Variants in MID1 observed in about 807,000 individuals in gnomAD.
MID1 encodes the protein E3 ubiquitin-protein ligase Midline-1.
In MID1, 7 loss-of-function variants were observed where a neutral mutation model predicts 40.4. The observed-to-expected ratio is 0.17, with a 90% confidence interval of 0.10 to 0.33. The LOEUF (loss-of-function observed/expected upper bound fraction) is 0.33. Among genes scored for constraint, MID1 ranks in the 10% least tolerant of loss-of-function variants. The pLI, the probability that MID1 is intolerant of heterozygous loss-of-function variation, is 1.00. For synonymous variants in MID1, 229 were observed against 221.2 expected (o/e 1.04, Z -0.31); for missense variants, 367 against 558.5 (o/e 0.66, Z 3.46).
At chrX:10,586,460 C>T (rs995805073) in intron 1 of MID1, among the ~76,000 whole-genome samples, 1 of 111,370 alleles carries the variant, frequency 9.0e-6, no homozygotes, top group Non-Finnish European at 1.9e-5. Context: ...AGGTTGGGCC[C>T]ACTAGAATAA....
At chrX:10,702,727 A>G (rs1453657869) in intron 1 of MID1, among the ~76,000 whole-genome samples, 8 of 112,279 alleles carry the variant, frequency 7.1e-5, no homozygotes, top group African/African-American at 2.3e-4. Context: ...AATAATTAAC[A>G]TTATGGACTA....
intron 1 of MID1, among the ~76,000 whole-genome samples, chrX:10,693,187 T>G (rs1207400097): frequency 9.2e-6 from 1 of 108,120 alleles, no homozygotes; most frequent in Non-Finnish European, 1.9e-5. Context: ...ATTTAAGGTG[T>G]TTTAACTTTT....
intron 8 of MID1, among the ~76,000 whole-genome samples, chrX:10,458,059 G>C (rs930722398): frequency 4.4e-5 from 5 of 112,561 alleles, no homozygotes; most frequent in Non-Finnish European, 7.5e-5. Context: ...CTTTTTGAGA[G>C]AGAAGCACAC....
At chrX:10,799,895 A>T (rs147792230) in intron 1 of MID1, among the ~76,000 whole-genome samples, 1,733 of 111,808 alleles carry the variant, frequency 0.015, 42 homozygotes, top group African/African-American at 0.053. Flanking sequence ...GTAGCCAAGC[A>T]GGGATTTAAA....
rs748934970 is a variant in MID1 at position 10,776,959 on chromosome X, T to C, written c.-187+56595A>G. On this transcript the variant is annotated intron_variant, in intron 1 of 10. Transcript: ENST00000380785. ...ATCTGCCATGTACTGTACTCCTCTG[T>C]GCTGGGAATGCATAGATGGAAAGGT... Among the ~76,000 whole-genome samples, 3 of 111,820 alleles carry C rather than the reference T, an allele frequency of 2.7e-5. No homozygotes were observed. The East Asian group carries it at 8.4e-4, about 31-fold the overall frequency.
intron 1 of MID1, among the ~76,000 whole-genome samples, chrX:10,819,501 C>G (rs1005198132): frequency 1.8e-5 from 2 of 110,804 alleles, no homozygotes; most frequent in Non-Finnish European, 3.8e-5. Flanking sequence ...CTCACCTCCC[C>G]CTAATTGTTT....
chrX:10,543,390 G>T (rs747769746), intron 2 of MID1, among the ~76,000 whole-genome samples: 1 of 112,177 alleles, frequency 8.9e-6, no homozygotes, highest in Non-Finnish European at 1.9e-5. Context: ...GAGAATAGCA[G>T]CAGTTTAGTA....
At chrX:10,576,439 G>A (rs1419599112) in intron 1 of MID1, among the ~76,000 whole-genome samples, 1 of 111,692 alleles carries the variant, frequency 9.0e-6, no homozygotes, top group East Asian at 2.8e-4. Context: ...AAATTAAGGG[G>A]AAATGGAAGC....
chrX:10,684,019 C>T (rs1189370343), intron 1 of MID1, among the ~76,000 whole-genome samples: 1 of 109,638 alleles, frequency 9.1e-6, no homozygotes, highest in Non-Finnish European at 1.9e-5. Context: ...ATCCACTTGC[C>T]TCGGCCTCCC....
intron 1 of MID1, among the ~76,000 whole-genome samples, chrX:10,634,936 A>G (rs1936093339): frequency 8.9e-6 from 1 of 112,727 alleles, no homozygotes; most frequent in Non-Finnish European, 1.9e-5. Flanking sequence ...CAGGTTGCTA[A>G]TGCATCCCGC....
chrX:10,592,843 T>C (rs1215417688), intron 1 of MID1, among the ~76,000 whole-genome samples: 3 of 112,022 alleles, frequency 2.7e-5, no homozygotes, highest in Non-Finnish European at 5.6e-5. Context: ...AATTGAAACA[T>C]TTCTACAATG....
chrX:10,651,319 G>C (rs375618751), intron 1 of MID1, among the ~76,000 whole-genome samples: 4 of 111,721 alleles, frequency 3.6e-5, no homozygotes, highest in Admixed American at 9.5e-5. Context: ...AGATAGCAAG[G>C]GGTTAAAATA....
At chrX:10,805,273 A>T in intron 1 of MID1, among the ~76,000 whole-genome samples, 1 of 80,762 alleles carries the variant, frequency 1.2e-5, no homozygotes, top group Middle Eastern at 9.0e-3. Flanking sequence ...TCCTGTGTCC[A>T]TGTGTTCTCA....
chrX:10,822,366 A>C (rs2044181343), intron 1 of MID1, among the ~76,000 whole-genome samples: 1 of 112,245 alleles, frequency 8.9e-6, no homozygotes, highest in African/African-American at 3.2e-5. Context: ...ACTTAAATGT[A>C]AATCCCAAAA....
At position 10,728,415 on chromosome X, in the gene MID1, G is replaced by A. The variant is rs975810098; in HGVS notation, c.-187+105139C>T. Among the ~76,000 whole-genome samples the A allele has an allele frequency of 1.4e-4, 16 of 111,936 alleles. No homozygotes were observed. In the East Asian group the frequency reaches 2.5e-3, roughly 18 times the overall value. On this transcript the variant is annotated intron_variant, in intron 1 of 10. Transcript: ENST00000380785. ...ATAAACGTTTATTGTTAAATAATAC[G>A]AAATCAAATGTGTGCTCCTTTTCCC...
chrX:10,522,756 A>T (rs1863416766), intron 3 of MID1, among the ~76,000 whole-genome samples: 1 of 111,665 alleles, frequency 9.0e-6, no homozygotes, highest in Non-Finnish European at 1.9e-5. Flanking sequence ...TCGGCCTCCC[A>T]AAGTGCTGGG....
At chrX:10,473,700 G>A (rs1929842401) in intron 6 of MID1, among the ~76,000 whole-genome samples, 1 of 112,560 alleles carries the variant, frequency 8.9e-6, no homozygotes. Flanking sequence ...TATGTCTTAA[G>A]TGCAGCGCAC....
At chrX:10,632,974 C>T (rs1936068842) in intron 1 of MID1, among the ~76,000 whole-genome samples, 1 of 111,569 alleles carries the variant, frequency 9.0e-6, no homozygotes, top group Non-Finnish European at 1.9e-5. Flanking sequence ...AGGTTGTATG[C>T]CCAAGAAGCT....
intron 1 of MID1, among the ~76,000 whole-genome samples, chrX:10,829,978 C>T (rs1569180775): frequency 8.9e-6 from 1 of 112,368 alleles, no homozygotes; most frequent in East Asian, 2.8e-4. Context: ...CCCAGGAATA[C>T]TTGACAACCC....
Sources: gnomAD v4.1 joint callset for allele counts (sites outside exome capture counted in the v4.1 genomes callset) on GRCh38, gnomAD v4.1.1 for gene constraint, MANE v1.5 for transcripts, NCBI Gene and HGNC (gene_info 2026-07-23, HGNC 2026-07-21) for gene names.